MYO5B: variants seen among roughly 807,000 people sequenced by gnomAD.
MYO5B encodes the protein myosin VB, also known as unconventional myosin-Vb.
MYO5B carries 143 observed loss-of-function variants against 229.3 expected under a neutral mutation model. The observed-to-expected ratio is 0.62, with a 90% confidence interval of 0.54 to 0.72. The LOEUF is 0.72. MYO5B is among the 30% of genes least tolerant of loss of function. The probability of loss-of-function intolerance (pLI) is 0.00; values close to 1 mark genes in which losing one functional copy is unlikely to be tolerated. For missense variants in MYO5B, 2,321 were observed against 2,331.0 expected (o/e 1.00, Z 0.09); for synonymous variants, 918 against 885.2 (o/e 1.04, Z -0.66).
intron 1 of MYO5B, among the ~76,000 whole-genome samples, chr18:50,134,088 G>A (rs1268268053): frequency 2.6e-5 from 4 of 152,072 alleles, no homozygotes; most frequent in East Asian, 1.9e-4. Context: ...GGTTGCTCCC[G>A]GAAAAAGGAA....
intron 12 of MYO5B, among the ~76,000 whole-genome samples, chr18:49,956,855 A>G (rs949262): frequency 0.057 from 8,682 of 152,180 alleles, 409 homozygotes; most frequent in African/African-American, 0.12. Context: ...ATCTGTATTA[A>G]ATGCCCAGAA....
At chr18:50,127,235 A>G (rs2032178550) in intron 1 of MYO5B, among the ~76,000 whole-genome samples, 1 of 152,168 alleles carries the variant, frequency 6.6e-6, no homozygotes, top group Non-Finnish European at 1.5e-5. Flanking sequence ...CATCTCAACC[A>G]TATTTGGGCA....
chr18:49,997,919 G>A (rs1006400738), intron 5 of MYO5B, among the ~76,000 whole-genome samples: 7 of 152,144 alleles, frequency 4.6e-5, no homozygotes, highest in African/African-American at 1.7e-4. Flanking sequence ...GGATGGGGCA[G>A]AGCAATCAAT....
chr18:49,955,510 C>T (rs369841406), intron 12 of MYO5B, among the ~76,000 whole-genome samples: 12 of 152,094 alleles, frequency 7.9e-5, no homozygotes, highest in Non-Finnish European at 1.5e-4. Flanking sequence ...TGATGGTGAC[C>T]CTTGCACTAG....
intron 1 of MYO5B, among the ~76,000 whole-genome samples, chr18:50,158,556 T>C (rs1166323501): frequency 6.6e-6 from 1 of 152,220 alleles, no homozygotes; most frequent in Non-Finnish European, 1.5e-5. Flanking sequence ...CATCATGTGA[T>C]GCATTTGTAC....
At chr18:49,856,964 G>T in intron 29 of MYO5B, 74 bp from the exon 30 acceptor site, 1 of 1,301,838 alleles carries the variant, frequency 7.7e-7, no homozygotes, top group Non-Finnish European at 1.1e-6. Context: ...GTCCTGGAAA[G>T]TGAGGAGATT....
intron 1 of MYO5B, among the ~76,000 whole-genome samples, chr18:50,159,954 C>T (rs1020201316): frequency 2.0e-5 from 3 of 152,216 alleles, no homozygotes; most frequent in Non-Finnish European, 2.9e-5. Context: ...GGCACACAGA[C>T]GCTCCACATG....
chr18:50,090,268 A>C (rs2031419657), intron 1 of MYO5B, among the ~76,000 whole-genome samples: 1 of 150,646 alleles, frequency 6.6e-6, no homozygotes, highest in South Asian at 2.1e-4. Context: ...ATTTGAGCCC[A>C]GGAGGTTGAG....
intron 22 of MYO5B, among the ~76,000 whole-genome samples, chr18:49,885,158 G>C (rs751625014): frequency 6.6e-6 from 1 of 152,160 alleles, no homozygotes; most frequent in South Asian, 2.1e-4. Context: ...TGAAAACCTA[G>C]TCCACACAAA....
At chr18:49,983,936 T>A (rs566516252) in intron 8 of MYO5B, among the ~76,000 whole-genome samples, 25 of 152,298 alleles carry the variant, frequency 1.6e-4, no homozygotes, top group Non-Finnish European at 2.9e-4. Context: ...TGCTCTGGGT[T>A]AGTCACATGG....
chr18:50,095,163 C>T (rs989710975), intron 1 of MYO5B, among the ~76,000 whole-genome samples: 1 of 152,188 alleles, frequency 6.6e-6, no homozygotes, highest in Admixed American at 6.5e-5. Flanking sequence ...CAACCTTTCT[C>T]ACAGAGTATC....
At chr18:50,013,345 C>T (rs2026182395) in intron 4 of MYO5B, among the ~76,000 whole-genome samples, 1 of 152,216 alleles carries the variant, frequency 6.6e-6, no homozygotes, top group African/African-American at 2.4e-5. Context: ...ATGCCAACTC[C>T]ATGCCTCCAC....
At chr18:50,040,706 A>T (rs879469507) in intron 2 of MYO5B, among the ~76,000 whole-genome samples, 1 of 152,074 alleles carries the variant, frequency 6.6e-6, no homozygotes, top group Non-Finnish European at 1.5e-5. Flanking sequence ...AACACACTCC[A>T]TTTTTATCTG....
intron 39 of MYO5B, among the ~76,000 whole-genome samples, chr18:49,832,529 T>C (rs1239207954): frequency 2.0e-5 from 3 of 152,212 alleles, no homozygotes; most frequent in African/African-American, 7.2e-5. Flanking sequence ...AAACAGGCCA[T>C]AGTCAGTAAA....
At chr18:49,922,483 G>C (rs1480680674) in intron 17 of MYO5B, among the ~76,000 whole-genome samples, 1 of 152,106 alleles carries the variant, frequency 6.6e-6, no homozygotes, top group Non-Finnish European at 1.5e-5. Context: ...AAAGGATTAG[G>C]CTCTGGATTA....
chr18:49,919,556 G>A (rs1187570510), intron 17 of MYO5B, among the ~76,000 whole-genome samples: 1 of 152,056 alleles, frequency 6.6e-6, no homozygotes, highest in Non-Finnish European at 1.5e-5. Flanking sequence ...TGTACAAATG[G>A]CCAAGCACAT....
At chr18:50,192,824 C>A (rs373095374) in intron 1 of MYO5B, among the ~76,000 whole-genome samples, 2 of 152,330 alleles carry the variant, frequency 1.3e-5, no homozygotes, top group East Asian at 3.9e-4. Context: ...TAGGGACGAA[C>A]TAAGTGGCTG....
intron 1 of MYO5B, among the ~76,000 whole-genome samples, chr18:50,118,119 G>T (rs2031995881): frequency 6.6e-6 from 1 of 152,092 alleles, no homozygotes; most frequent in South Asian, 2.1e-4. Context: ...CCAAATGATT[G>T]CAACTCAGTA....
At chr18:49,898,436 C>T (rs916467293) in intron 21 of MYO5B, among the ~76,000 whole-genome samples, 1 of 152,224 alleles carries the variant, frequency 6.6e-6, no homozygotes, top group African/African-American at 2.4e-5. Context: ...GTAAGTTAAA[C>T]TGGCCAACTC....
Sources: allele counts gnomAD v4.1 joint callset (sites outside exome capture counted in the v4.1 genomes callset), GRCh38; gene constraint gnomAD v4.1.1; transcripts MANE v1.5; gene names NCBI Gene and HGNC (gene_info 2026-07-23, HGNC 2026-07-21).